CSMD1: variants seen among roughly 807,000 people sequenced by gnomAD.
The protein encoded by CSMD1 is CUB and Sushi multiple domains 1, also known as CUB and sushi domain-containing protein 1.
CSMD1 carries 213 observed loss-of-function variants against 417.5 expected under a neutral mutation model. The ratio of observed to expected loss-of-function variants is 0.51; its 90% CI spans 0.46 to 0.57. CSMD1 has a LOEUF of 0.57. Among genes scored for constraint, CSMD1 ranks in the 20% least tolerant of loss-of-function variants. CSMD1 has a pLI of 0.00. For synonymous variants in CSMD1, 2,862 were observed against 1,736.8 expected (o/e 1.65, Z -16.11); for missense variants, 6,923 against 4,529.7 (o/e 1.53, Z -15.17).
rs1344736840 is a variant in CSMD1 at position 3,488,826 on chromosome 8, G to A, written c.1448+4797C>T. ...AGGCTCAAAGGCAGTGCCATTATGT[G>A]AAAGATAATATACAGAAAAATAATT... On this transcript the variant is annotated intron_variant, in intron 11 of 69. Coordinates refer to ENST00000635120, the MANE Select transcript of CSMD1 (RefSeq NM_033225.6). Among the ~76,000 whole-genome samples the A allele has an allele frequency of 2.0e-5, 3 of 152,242 alleles. No individual in the cohort carries two copies. In the South Asian group the frequency reaches 6.2e-4, roughly 32 times the overall value.
intron 1 of CSMD1, among the ~76,000 whole-genome samples, chr8:4,826,655 C>G (rs1270218013): frequency 6.6e-6 from 1 of 152,108 alleles, no homozygotes; most frequent in Non-Finnish European, 1.5e-5. Flanking sequence ...GCACCTCACT[C>G]TCATGTGTAG....
At chr8:3,260,182 C>A (rs1165810867) in intron 26 of CSMD1, among the ~76,000 whole-genome samples, 2 of 152,160 alleles carry the variant, frequency 1.3e-5, no homozygotes, top group African/African-American at 4.8e-5. Context: ...TGAAAAAGTG[C>A]TTTATTATCT....
intron 3 of CSMD1, among the ~76,000 whole-genome samples, chr8:4,107,999 A>G (rs1040512468): frequency 2.0e-5 from 3 of 152,074 alleles, no homozygotes; most frequent in Non-Finnish European, 4.4e-5. Context: ...AGTAGAAAGT[A>G]AGGGAAAGAC....
chr8:4,966,355 G>C (rs1255587685), intron 1 of CSMD1, among the ~76,000 whole-genome samples: 1 of 152,050 alleles, frequency 6.6e-6, no homozygotes, highest in Non-Finnish European at 1.5e-5. Context: ...CTCCAGCCTG[G>C]GCAACAAGAG....
In CSMD1 at chr8:4,071,228, G is replaced by T. The variant is rs572002840; in HGVS notation, c.416-39129C>A. Among the ~76,000 whole-genome samples, 18 of 151,644 alleles carry T rather than the reference G, an allele frequency of 1.2e-4. No individual in the cohort carries two copies. The South Asian group carries it at 3.8e-3, about 32-fold the overall frequency. On this transcript the variant is annotated intron_variant, in intron 3 of 69. Coordinates refer to ENST00000635120, the MANE Select transcript of CSMD1 (RefSeq NM_033225.6). ...CTTCCGGAGTTTCAGCTAAACGTCTGTTAGGCCTGATATTGTCCCAAAGAA... is the reference window on the plus strand; with the variant it reads ...CTTCCGGAGTTTCAGCTAAACGTCTTTTAGGCCTGATATTGTCCCAAAGAA...
intron 5 of CSMD1, among the ~76,000 whole-genome samples, chr8:3,977,761 A>T (rs1449509675): frequency 6.6e-6 from 1 of 152,220 alleles, no homozygotes; most frequent in Non-Finnish European, 1.5e-5. Flanking sequence ...GTGAATCTGC[A>T]TGTATGCTTA....
At chr8:3,324,985 A>C (rs78402749) in intron 23 of CSMD1, among the ~76,000 whole-genome samples, 7,114 of 152,298 alleles carry the variant, frequency 0.047, 361 homozygotes, top group East Asian at 0.22. Flanking sequence ...AAAAGAAAAA[A>C]AAAAGCATTT....
At chr8:3,167,762 G>A (rs1563104239) in intron 37 of CSMD1, among the ~76,000 whole-genome samples, 1 of 152,130 alleles carries the variant, frequency 6.6e-6, no homozygotes, top group Non-Finnish European at 1.5e-5. Context: ...ACCTACCACT[G>A]ATCATAAAAC....
At chr8:3,187,791 G>T in intron 36 of CSMD1, 78 bp downstream of exon 36, 1 of 1,043,410 alleles carries the variant, frequency 9.6e-7, no homozygotes. Context: ...TATGTGGAGT[G>T]TTTGCTGTTA....
chr8:3,308,994 G>T (rs1281013877), intron 23 of CSMD1, among the ~76,000 whole-genome samples: 1 of 152,120 alleles, frequency 6.6e-6, no homozygotes, highest in South Asian at 2.1e-4. Flanking sequence ...AAAGTGCTGG[G>T]ATTACAGGCG....
intron 26 of CSMD1, among the ~76,000 whole-genome samples, chr8:3,242,169 G>A (rs1347550365): frequency 8.6e-5 from 13 of 152,046 alleles, no homozygotes; most frequent in Non-Finnish European, 1.5e-5. Flanking sequence ...GGGCAGGTGG[G>A]GGAGGGCTAG....
rs939348391 is a variant in CSMD1, at chr8:4,787,926, G to C, written c.86-150368C>G. ...ATGTAACCACAAAGAAATTGTTCTT[G>C]CTGATGTAATTGACAATGATTCCTG... On this transcript the variant is annotated intron_variant, in intron 1 of 69. Transcript: ENST00000635120. The C allele has an allele frequency of 1.1e-5, 17 of 1,591,714 alleles. No homozygotes were observed. The African/African-American group carries it at 2.0e-4, about 19-fold the overall frequency.
Position 4,034,584 on chromosome 8 carries a change from C to G in CSMD1, c.416-2485G>C, listed in dbSNP as rs1055251373. On this transcript the variant is annotated intron_variant, in intron 3 of 69. Coordinates refer to ENST00000635120, the MANE Select transcript of CSMD1 (RefSeq NM_033225.6). ...CAGGGCAGCCCTTCAACTTTTGACT[C>G]AGAATGCCTTGTCCATCAGCTGAGC... Among the ~76,000 whole-genome samples, 7 of 152,076 alleles carry G rather than the reference C, an allele frequency of 4.6e-5. No homozygotes were observed. The South Asian group carries it at 8.3e-4, about 18-fold the overall frequency.
chr8:4,002,616 G>T (rs1815775232), intron 4 of CSMD1, among the ~76,000 whole-genome samples: 1 of 152,152 alleles, frequency 6.6e-6, no homozygotes, highest in South Asian at 2.1e-4. Context: ...AGCTGCTAAA[G>T]ATATTAAATT....
At chr8:3,515,858 G>A (rs557554019) in intron 10 of CSMD1, among the ~76,000 whole-genome samples, 6 of 152,326 alleles carry the variant, frequency 3.9e-5, no homozygotes, top group African/African-American at 9.6e-5. Flanking sequence ...GGACTTCAGC[G>A]TGGGGAAAAT....
chr8:4,390,100 T>G lies in CSMD1; in HGVS notation c.415+29853A>C, dbSNP rs574004122. Reference sequence around the variant, plus strand: ...CACTTCTATGCATTCTCCTAAACATTTGGTATTCCATAATTTTTAATGCTC... The same window carrying G: ...CACTTCTATGCATTCTCCTAAACATGTGGTATTCCATAATTTTTAATGCTC... On this transcript the variant is annotated intron_variant, in intron 3 of 69. Coordinates refer to ENST00000635120, the MANE Select transcript of CSMD1 (RefSeq NM_033225.6). Among the ~76,000 whole-genome samples the G allele has an allele frequency of 2.4e-4, 37 of 152,340 alleles. 1 individual carries two copies. The South Asian group carries it at 7.2e-3, about 30-fold the overall frequency.
chr8:3,711,761 T>G lies in CSMD1; in HGVS notation c.932-3270A>C, dbSNP rs575546761. Among the ~76,000 whole-genome samples, 6 of 152,270 alleles carry G rather than the reference T, an allele frequency of 3.9e-5. No individual in the cohort carries two copies. In the East Asian group the frequency reaches 9.7e-4, roughly 25 times the overall value. Reference sequence around the variant, plus strand: ...GGCAAACGTATCACCCCCACTATCTTGTGCTGAAATAACTTTATCTTGAAG... The same window carrying G: ...GGCAAACGTATCACCCCCACTATCTGGTGCTGAAATAACTTTATCTTGAAG... On this transcript the variant is annotated intron_variant, in intron 6 of 69. Transcript: ENST00000635120.
chr8:4,381,651 C>G (rs1022039328), intron 3 of CSMD1, among the ~76,000 whole-genome samples: 2 of 152,182 alleles, frequency 1.3e-5, no homozygotes, highest in African/African-American at 4.8e-5. Flanking sequence ...GCAACCATCC[C>G]CCAACCCTCA....
rs191451117 is a variant in CSMD1, at chr8:4,680,031, A to T, written c.86-42473T>A. 5.9e-5 allele frequency among the ~76,000 whole-genome samples: 9 copies of T among 152,334 alleles called. No individual in the cohort carries two copies. The East Asian group carries it at 1.7e-3, about 29-fold the overall frequency. On this transcript the variant is annotated intron_variant, in intron 1 of 69. Transcript: ENST00000635120. ...AGTACTCTTCAAGTACTTTAATCTT[A>T]GCAATGTATGCAAATGATGTGAATA...
Sources: gnomAD v4.1 joint callset for allele counts (sites outside exome capture counted in the v4.1 genomes callset) on GRCh38, gnomAD v4.1.1 for gene constraint, MANE v1.5 for transcripts, NCBI Gene and HGNC (gene_info 2026-07-23, HGNC 2026-07-21) for gene names.